STX8: variants seen among roughly 807,000 people sequenced by gnomAD.
The protein encoded by STX8 is syntaxin-8.
A neutral mutation model predicts 37.5 loss-of-function variants in STX8; 23 were observed. The observed-to-expected ratio is 0.61, with a 90% confidence interval of 0.44 to 0.87. STX8 has a LOEUF of 0.87. STX8 is among the 40% of genes least tolerant of loss of function. The pLI, the probability that STX8 is intolerant of heterozygous loss-of-function variation, is 0.00. For missense variants in STX8, 313 were observed against 284.7 expected, an observed-to-expected ratio of 1.10 and a Z score of -0.71; for synonymous variants, 115 against 99.1, an observed-to-expected ratio of 1.16 and a Z score of -0.95.
intron 4 of STX8, among the ~76,000 whole-genome samples, chr17:9,535,231 T>C: frequency 1.3e-5 from 2 of 151,932 alleles, no homozygotes; most frequent in Non-Finnish European, 2.9e-5. Flanking sequence ...TATTACTATA[T>C]AAAACTCTCT....
chr17:9,475,875 T>C (rs1906081568), intron 6 of STX8, among the ~76,000 whole-genome samples: 1 of 152,168 alleles, frequency 6.6e-6, no homozygotes, highest in Non-Finnish European at 1.5e-5. Context: ...AAGAAGCCTT[T>C]CGGGTAAATA....
intron 7 of STX8, among the ~76,000 whole-genome samples, chr17:9,305,103 T>C (rs1266042646): frequency 6.6e-6 from 1 of 151,652 alleles, no homozygotes; most frequent in Non-Finnish European, 1.5e-5. Flanking sequence ...ATTATTATTA[T>C]TATTTTTTGA....
chr17:9,335,541 C>A (rs896072620), intron 7 of STX8, among the ~76,000 whole-genome samples: 1 of 151,884 alleles, frequency 6.6e-6, no homozygotes, highest in South Asian at 2.1e-4. Flanking sequence ...CATGTAGACA[C>A]GCTATATGCA....
intron 6 of STX8, among the ~76,000 whole-genome samples, chr17:9,420,306 CTCCACA>C (rs1411719325): frequency 6.6e-6 from 1 of 152,240 alleles, no homozygotes; most frequent in African/African-American, 2.4e-5. Context: ...AAGCCCGTGG[CTCCACA>C]GCCACCTCCC....
intron 5 of STX8, among the ~76,000 whole-genome samples, chr17:9,499,808 TC>T (rs1385723308): frequency 6.6e-6 from 1 of 152,186 alleles, no homozygotes; most frequent in Non-Finnish European, 1.5e-5. Flanking sequence ...CCAGCAGGCT[TC>T]CCAAGGGTGA....
At chr17:9,455,260 G>C (rs988631659) in intron 6 of STX8, among the ~76,000 whole-genome samples, 3 of 151,916 alleles carry the variant, frequency 2.0e-5, no homozygotes, top group African/African-American at 7.3e-5. Context: ...AGCAATTTGG[G>C]AGGCCGAGGT....
chr17:9,535,451 G>C (rs1458536011), intron 4 of STX8, among the ~76,000 whole-genome samples: 1 of 3,806 alleles, frequency 2.6e-4, no homozygotes, highest in Non-Finnish European at 7.9e-4. Flanking sequence ...TTTTTTTTTT[G>C]AGACGGAGTC....
At chr17:9,291,843 T>TA (rs1426607738) in intron 7 of STX8, among the ~76,000 whole-genome samples, 1 of 152,252 alleles carries the variant, frequency 6.6e-6, no homozygotes, top group African/African-American at 2.4e-5. Context: ...AAGGCTCCGC[T>TA]AGCCAGTCTT....
At chr17:9,319,185 C>T (rs765374026) in intron 7 of STX8, among the ~76,000 whole-genome samples, 18 of 152,054 alleles carry the variant, frequency 1.2e-4, no homozygotes, top group African/African-American at 3.9e-4. Flanking sequence ...TTTGGGAGGC[C>T]GAGGCGGGCG....
chr17:9,350,086 G>C (rs1910658424), intron 7 of STX8, among the ~76,000 whole-genome samples: 1 of 152,218 alleles, frequency 6.6e-6, no homozygotes, highest in South Asian at 2.1e-4. Flanking sequence ...CAATATGTCA[G>C]AAGCAAGATC....
At chr17:9,274,150 T>A (rs1388836641) in intron 7 of STX8, among the ~76,000 whole-genome samples, 1 of 152,082 alleles carries the variant, frequency 6.6e-6, no homozygotes, top group African/African-American at 2.4e-5. Flanking sequence ...GGCTTTGCCA[T>A]CCCTCCCCTC....
At position 9,330,996 on chromosome 17, in the gene STX8, T is replaced by C. The variant is rs551996931; in HGVS notation, c.643+47556A>G. 4.6e-5 allele frequency among the ~76,000 whole-genome samples: 7 copies of C among 152,280 alleles called. No individual in the cohort carries two copies. The East Asian group carries it at 1.2e-3, about 25-fold the overall frequency. ...AGAAAGCCAGGCCTCCGGCGCCAAC[T>C]CTTCAACCCCCTCTCACTTTCCCTG... On this transcript the variant is annotated intron_variant, in intron 7 of 7. Transcript: ENST00000306357.
intron 6 of STX8, among the ~76,000 whole-genome samples, chr17:9,420,225 T>C (rs1175749009): frequency 1.3e-5 from 2 of 152,200 alleles, no homozygotes; most frequent in South Asian, 2.1e-4. Context: ...ATCAATCATA[T>C]TCAACATCGG....
intron 6 of STX8, among the ~76,000 whole-genome samples, chr17:9,450,225 G>A (rs918255092): frequency 2.7e-5 from 4 of 150,452 alleles, no homozygotes; most frequent in African/African-American, 7.4e-5. Flanking sequence ...ACAGGTATGC[G>A]CCACCACGCC....
intron 7 of STX8, among the ~76,000 whole-genome samples, chr17:9,312,490 C>T (rs374083584): frequency 7.2e-5 from 11 of 151,946 alleles, no homozygotes; most frequent in South Asian, 2.1e-4. Context: ...CGTGAGCCAC[C>T]GCGTCTGGCA....
intron 7 of STX8, among the ~76,000 whole-genome samples, chr17:9,292,359 C>T (rs1459431946): frequency 2.6e-5 from 4 of 152,314 alleles, no homozygotes; most frequent in Middle Eastern, 3.4e-3. Flanking sequence ...GTGTCACCAC[C>T]GTGTGGTGGA....
chr17:9,360,745 G>A (rs983223425), intron 7 of STX8, among the ~76,000 whole-genome samples: 11 of 151,316 alleles, frequency 7.3e-5, no homozygotes, highest in African/African-American at 1.9e-4. Context: ...AGAGAAATAC[G>A]GGCTGTTTCG....
chr17:9,251,094 A>AG (rs2142114093), intron 7 of STX8, among the ~76,000 whole-genome samples: 1 of 152,374 alleles, frequency 6.6e-6, no homozygotes, highest in East Asian at 1.9e-4. Context: ...CTTGAGTCCA[A>AG]GATCCTTAAG....
At chr17:9,502,559 C>A (rs1238543694) in intron 5 of STX8, among the ~76,000 whole-genome samples, 1 of 152,134 alleles carries the variant, frequency 6.6e-6, no homozygotes, top group African/African-American at 2.4e-5. Context: ...ATAATTTTTA[C>A]TTGCAAATTA....
Sources: gnomAD v4.1 joint callset for allele counts (sites outside exome capture counted in the v4.1 genomes callset) on GRCh38, gnomAD v4.1.1 for gene constraint, MANE v1.5 for transcripts, NCBI Gene and HGNC (gene_info 2026-07-23, HGNC 2026-07-21) for gene names.